The following CHST11 variants were observed in gnomAD, a reference collection of about 807,000 sequenced individuals.
CHST11 encodes carbohydrate sulfotransferase 11.
A neutral mutation model predicts 30.4 loss-of-function variants in CHST11; 9 were observed. That is an observed-to-expected ratio of 0.30 (90% confidence interval 0.18 to 0.52). The LOEUF (loss-of-function observed/expected upper bound fraction) is 0.52. Ranked by LOEUF, CHST11 falls within the 20% of genes least tolerant of loss-of-function variation. CHST11 has a pLI of 0.97. For synonymous variants in CHST11, 152 were observed against 187.8 expected (o/e 0.81, Z 1.56); for missense variants, 348 against 460.6 (o/e 0.76, Z 2.24).
At chr12:104,462,999 G>A (rs1445277998) in intron 1 of CHST11, among the ~76,000 whole-genome samples, 1 of 152,178 alleles carries the variant, frequency 6.6e-6, no homozygotes, top group Non-Finnish European at 1.5e-5. Context: ...GTTTCCGTGG[G>A]GTGAGGGGTG....
At chr12:104,498,939 T>C (rs2037826504) in intron 1 of CHST11, among the ~76,000 whole-genome samples, 1 of 152,254 alleles carries the variant, frequency 6.6e-6, no homozygotes, top group South Asian at 2.1e-4. Context: ...GAATTTCCTT[T>C]GATCTTTTCT....
chr12:104,717,681 G>A lies in CHST11; in HGVS notation c.205-39268G>A, dbSNP rs1423466774. On this transcript the variant is annotated intron_variant, in intron 2 of 2. Coordinates refer to ENST00000303694, the MANE Select transcript of CHST11 (RefSeq NM_018413.6). ...AGCTACTCTCGAGTCTGAGGCAGGA[G>A]AATCACTTGAACTTGGGAGGCGGAG... is the stretch of plus-strand genomic sequence containing the variant. Among the ~76,000 whole-genome samples the A allele has an allele frequency of 2.6e-5, 4 of 152,212 alleles. No homozygotes were observed. In the East Asian group the frequency reaches 7.7e-4, roughly 29 times the overall value.
intron 2 of CHST11, among the ~76,000 whole-genome samples, chr12:104,680,981 G>A (rs1472808946): frequency 2.0e-5 from 3 of 152,232 alleles, no homozygotes; most frequent in Admixed American, 2.0e-4. Context: ...TAACACTGGG[G>A]ATAATAATAT....
chr12:104,630,304 C>T (rs1447586788), intron 2 of CHST11, among the ~76,000 whole-genome samples: 1 of 152,174 alleles, frequency 6.6e-6, no homozygotes, highest in Non-Finnish European at 1.5e-5. Context: ...AGTTGCTTAA[C>T]TTCTGTGTGC....
At chr12:104,597,118 G>C (rs994574711) in intron 1 of CHST11, among the ~76,000 whole-genome samples, 1 of 152,136 alleles carries the variant, frequency 6.6e-6, no homozygotes, top group Non-Finnish European at 1.5e-5. Context: ...GCTCTCCGTG[G>C]GCTGCTCTCA....
chr12:104,736,028 A>G (rs1435845704), intron 2 of CHST11, among the ~76,000 whole-genome samples: 2 of 152,048 alleles, frequency 1.3e-5, no homozygotes, highest in Admixed American at 6.5e-5. Context: ...CTGGCAGGGA[A>G]CCTGGGCAGA....
chr12:104,679,417 G>A (rs2039773053), intron 2 of CHST11, among the ~76,000 whole-genome samples: 2 of 152,156 alleles, frequency 1.3e-5, no homozygotes, highest in Non-Finnish European at 2.9e-5. Context: ...AGGCCCCGGA[G>A]CCTCCGCGTC....
At chr12:104,475,688 A>ATATATATATATATATATATAT (rs1555226434) in intron 1 of CHST11, among the ~76,000 whole-genome samples, 67 of 78,416 alleles carry the variant, frequency 8.5e-4, no homozygotes, top group Non-Finnish European at 1.2e-3. Flanking sequence ...ATATATATAT[A>ATATATATATATATATATATAT]TATTTCTGAT....
At chr12:104,553,338 G>A (rs1313368115) in intron 1 of CHST11, 1 of 152,204 alleles carries the variant, frequency 6.6e-6, no homozygotes, top group African/African-American at 2.4e-5. Context: ...AATTTCCAAA[G>A]GCAAGTAGTA....
chr12:104,535,662 A>G (rs975214607), intron 1 of CHST11, among the ~76,000 whole-genome samples: 1 of 152,204 alleles, frequency 6.6e-6, no homozygotes, highest in African/African-American at 2.4e-5. Flanking sequence ...GGGTACACCG[A>G]GCAGAAGGGG....
intron 2 of CHST11, among the ~76,000 whole-genome samples, chr12:104,648,423 G>A (rs149867000): frequency 5.3e-5 from 8 of 152,290 alleles, no homozygotes; most frequent in South Asian, 2.1e-4. Context: ...ACCATCTCCT[G>A]AAGGGATGGT....
At chr12:104,540,947 C>G (rs950601601) in intron 1 of CHST11, among the ~76,000 whole-genome samples, 5 of 152,116 alleles carry the variant, frequency 3.3e-5, no homozygotes, top group Non-Finnish European at 5.9e-5. Flanking sequence ...TCAGAAAATG[C>G]TTTTTCATCG....
intron 2 of CHST11, among the ~76,000 whole-genome samples, chr12:104,710,335 T>C (rs7300191): frequency 0.031 from 4,710 of 152,274 alleles, 255 homozygotes; most frequent in African/African-American, 0.11. Flanking sequence ...TGGTCTTCAG[T>C]TGGTGCTGGC....
chr12:104,561,429 G>A (rs1470169730), intron 1 of CHST11, among the ~76,000 whole-genome samples: 4 of 152,230 alleles, frequency 2.6e-5, no homozygotes, highest in Non-Finnish European at 5.9e-5. Flanking sequence ...GCCATGTGGT[G>A]TACTTCTTGT....
intron 2 of CHST11, among the ~76,000 whole-genome samples, chr12:104,740,426 C>T (rs2040337212): frequency 6.6e-6 from 1 of 152,228 alleles, no homozygotes; most frequent in Non-Finnish European, 1.5e-5. Context: ...GCACCTCCAA[C>T]AAGGGCTGCT....
intron 1 of CHST11, among the ~76,000 whole-genome samples, chr12:104,531,398 C>G (rs1052002393): frequency 3.4e-5 from 5 of 149,076 alleles, no homozygotes; most frequent in South Asian, 2.1e-4. Context: ...GCAAGAGGAT[C>G]GCTTGAGCCC....
chr12:104,659,912 T>C (rs1024900259), intron 2 of CHST11, among the ~76,000 whole-genome samples: 1 of 150,282 alleles, frequency 6.7e-6, no homozygotes, highest in African/African-American at 2.5e-5. Context: ...AGCCCAAGAG[T>C]TTGAGGTTAC....
chr12:104,500,496 T>C (rs12307816), intron 1 of CHST11, among the ~76,000 whole-genome samples: 1 of 152,172 alleles, frequency 6.6e-6, no homozygotes, highest in Admixed American at 6.5e-5. Context: ...TTCTACCCTT[T>C]GATGTTTTAC....
intron 2 of CHST11, among the ~76,000 whole-genome samples, chr12:104,723,954 A>G (rs1265997200): frequency 6.6e-6 from 1 of 152,262 alleles, no homozygotes; most frequent in Non-Finnish European, 1.5e-5. Flanking sequence ...TGGTAAGTGT[A>G]TATGTATATA....
Sources: gnomAD v4.1 joint callset for allele counts (sites outside exome capture counted in the v4.1 genomes callset) on GRCh38, gnomAD v4.1.1 for gene constraint, MANE v1.5 for transcripts, NCBI Gene and HGNC (gene_info 2026-07-23, HGNC 2026-07-21) for gene names.